MARK4: variants seen among roughly 807,000 people sequenced by gnomAD.
The protein encoded by MARK4 is microtubule affinity regulating kinase 4.
Under a neutral mutation model 81.5 loss-of-function variants are expected in MARK4, and 19 were observed. The observed-to-expected ratio is 0.23, with a 90% CI of 0.16 to 0.34. MARK4 has a LOEUF of 0.34. Ranked by LOEUF, MARK4 falls within the 10% of genes least tolerant of loss-of-function variation. The probability of loss-of-function intolerance (pLI) is 1.00; values close to 1 mark genes in which losing one functional copy is unlikely to be tolerated. For synonymous variants in MARK4, 436 were observed against 439.0 expected, an observed-to-expected ratio of 0.99 and a Z score of 0.08; for missense variants, 772 against 1,058.8, an observed-to-expected ratio of 0.73 and a Z score of 3.76.
At chr19:45,283,409 CAAAA>C (rs869039919) in intron 12 of MARK4, among the ~76,000 whole-genome samples, 56 of 86,406 alleles carry the variant, frequency 6.5e-4, no homozygotes, top group African/African-American at 2.2e-3. Flanking sequence ...GACTTCCTCT[CAAAA>C]AAAAAAAAAA....
intron 2 of MARK4, among the ~76,000 whole-genome samples, chr19:45,259,483 C>T (rs561413992): frequency 9.2e-5 from 14 of 152,256 alleles, no homozygotes; most frequent in African/African-American, 2.2e-4. Context: ...GAGCTGTGGC[C>T]GGATGCATTG....
chr19:45,274,616 G>A (rs1211882993), intron 8 of MARK4, among the ~76,000 whole-genome samples: 2 of 152,150 alleles, frequency 1.3e-5, no homozygotes, highest in Non-Finnish European at 2.9e-5. Flanking sequence ...GGATGACAGA[G>A]CAAGACTCTG....
chr19:45,274,343 C>T (rs182230126), intron 8 of MARK4, among the ~76,000 whole-genome samples: 2 of 151,932 alleles, frequency 1.3e-5, no homozygotes, highest in African/African-American at 4.8e-5. Context: ...TTCAAGACAG[C>T]CTTCTGGCCG....
chr19:45,297,747 G>A lies in MARK4; in HGVS notation c.1670G>A (p.Ser557Asn), dbSNP rs947367859. ...HSLAPPSGER[S>N]RLARGSTIRS... is the part of the protein sequence containing the mutation. ...CTGGCACCCCCATCAGGGGAGCGGA[G>A]CCGCCTGGCACGTGGTTCCACCATC... The change falls in exon 15 of 17, where the codon AGC (serine) becomes AAC (asparagine). Residue 557 changes from serine to asparagine, a missense_variant. By Grantham distance (46) the Ser-to-Asn change is conservative. This residue lies in a region of MARK4 where 548 missense variants were observed against 624.3 expected (regional missense o/e 0.88). Coordinates refer to ENST00000262891, the MANE Select transcript of MARK4 (RefSeq NM_001199867.2). The A allele has an allele frequency of 1.3e-6, 2 of 1,578,126 alleles. No individual in the cohort carries two copies. The highest frequency in any genetic ancestry group is 4.5e-5 in the East Asian group (2 of 44,600).
intron 12 of MARK4, among the ~76,000 whole-genome samples, chr19:45,281,919 A>G (rs1057405531): frequency 3.9e-5 from 6 of 152,110 alleles, no homozygotes; most frequent in African/African-American, 1.4e-4. Context: ...TGCTGCAGAA[A>G]ATGAATACAG....
Position 45,302,035 on chromosome 19 carries a change from C to T in MARK4, c.1923-339C>T, listed in dbSNP as rs1970982343. ...TGTCATCTTCACAGTTGAGGCTGGC[C>T]TGTGCCACTGCTAAGTCCAGCTCCT... On this transcript the variant is annotated intron_variant, in intron 16 of 16. Transcript: ENST00000262891. This position sits in a 1 kb window ranked among gnomAD's most constrained non-coding sequence, Gnocchi z 4.9. 6.6e-6 allele frequency among the ~76,000 whole-genome samples: 1 copy of T among 152,182 alleles called. No individual in the cohort carries two copies. The highest frequency in any genetic ancestry group is 1.5e-5 in the Non-Finnish European group (1 of 68,032).
rs1270852430 is a variant in MARK4, at chr19:45,271,920, T to C, written c.786+212T>C. Reference sequence around the variant, plus strand: ...GGGTTAAGGGCATGATCTTTGCAGCTGATAGGCTTGAGTTCAAATCCTGAC... The same window carrying C: ...GGGTTAAGGGCATGATCTTTGCAGCCGATAGGCTTGAGTTCAAATCCTGAC... On this transcript the variant is annotated intron_variant, in intron 8 of 16. Transcript: ENST00000262891. This position sits in a 1 kb window ranked among gnomAD's most constrained non-coding sequence, Gnocchi z 4.1. Among the ~76,000 whole-genome samples the C allele has an allele frequency of 6.6e-6, 1 of 152,246 alleles. No individual in the cohort carries two copies. The highest frequency in any genetic ancestry group is 1.5e-5 in the Non-Finnish European group (1 of 68,050).
At chr19:45,251,701 C>T in intron 1 of MARK4, 62 bp downstream of exon 1, 1 of 1,410,974 alleles carries the variant, frequency 7.1e-7, no homozygotes, top group Non-Finnish European at 9.5e-7. Context: ...CCCTTCTCCC[C>T]GTTGTACCCC....
intron 12 of MARK4, among the ~76,000 whole-genome samples, chr19:45,284,118 A>G (rs1457769498): frequency 1.3e-5 from 2 of 151,878 alleles, no homozygotes; most frequent in African/African-American, 4.8e-5. Flanking sequence ...CCCAGGTTCA[A>G]CTGATTCTCC....
intron 7 of MARK4, among the ~76,000 whole-genome samples, chr19:45,267,702 C>G (rs111500149): frequency 6.6e-6 from 1 of 152,154 alleles, no homozygotes; most frequent in African/African-American, 2.4e-5. Flanking sequence ...TTTTTGTTGC[C>G]CATACTGAAG....
intron 13 of MARK4, chr19:45,288,440 C>T (rs1970776015): frequency 6.6e-6 from 1 of 151,656 alleles, no homozygotes; most frequent in Middle Eastern, 3.4e-3. Flanking sequence ...ATAATCCCAA[C>T]TACTTGGGAG....
Position 45,278,628 on chromosome 19 carries a change from G to A in MARK4, c.1006+13G>A, listed in dbSNP as rs369520177. ...ACCAAGAGAATTGGTGAGGGTCAGG[G>A]AGAGCCATCCTGTCACCCAGGATGG... On this transcript the variant is annotated intron_variant, in intron 10 of 16. Coordinates refer to ENST00000262891, the MANE Select transcript of MARK4 (RefSeq NM_001199867.2). The A allele has an allele frequency of 1.1e-5, 17 of 1,601,560 alleles. No homozygotes were observed. The highest frequency in any genetic ancestry group is 1.3e-5 in the African/African-American group (1 of 74,658).
At chr19:45,265,871 C>T (rs1179788331) in intron 6 of MARK4, among the ~76,000 whole-genome samples, 1 of 151,944 alleles carries the variant, frequency 6.6e-6, no homozygotes, top group African/African-American at 2.4e-5. Context: ...GTGTTTCTGC[C>T]TTGACGCTGC....
At chr19:45,267,549 C>T (rs908824587) in intron 7 of MARK4, among the ~76,000 whole-genome samples, 13 of 152,276 alleles carry the variant, frequency 8.5e-5, no homozygotes, top group African/African-American at 2.4e-4. Flanking sequence ...GGTGGCTGAC[C>T]GTTTGGTTGG....
In MARK4 at chr19:45,280,450, C is replaced by T. The variant is rs138524818; in HGVS notation, c.1083C>T (p.Thr361=). 2.5e-5 allele frequency: 41 copies of T among 1,614,028 alleles called. No homozygotes were observed. Among genetic ancestry groups the T allele is most frequent in the East Asian group, 4.5e-5 (2 of 44,894 alleles). ...CCAGCCAGAAGTACAACGAAGTGAC[C>T]GCCACCTACCTCCTGCTGGGCAGGA... The part of the protein sequence containing the change: ...SLTSQKYNEV[T]ATYLLLGRKT... The change falls in exon 11 of 17, where the codon ACC becomes ACT. Residue 361 remains threonine, a synonymous_variant. Transcript: ENST00000262891.
intron 1 of MARK4, among the ~76,000 whole-genome samples, chr19:45,258,207 G>C (rs1333657910): frequency 6.7e-6 from 1 of 150,142 alleles, no homozygotes; most frequent in Admixed American, 6.6e-5. Context: ...GGCTGGTCTC[G>C]AACTCCTGAC....
chr19:45,301,000 G>A (rs1970963467), intron 16 of MARK4, among the ~76,000 whole-genome samples: 1 of 152,098 alleles, frequency 6.6e-6, no homozygotes, highest in Non-Finnish European at 1.5e-5. Flanking sequence ...TACTTCAGGC[G>A]GGACGTTTCT....
At chr19:45,297,978 G>A in intron 15 of MARK4, 24 bp downstream of exon 15, 14 of 1,551,382 alleles carry the variant, frequency 9.0e-6, no homozygotes, top group Non-Finnish European at 1.2e-5. Context: ...GGATGGCAGG[G>A]GCAGGGCGGG....
chr19:45,289,877 G>A (rs965359640), intron 13 of MARK4, among the ~76,000 whole-genome samples: 5 of 152,034 alleles, frequency 3.3e-5, no homozygotes, highest in African/African-American at 1.2e-4. Context: ...TGGGTGGATT[G>A]CTTGAGCTCA....
Sources: gnomAD v4.1 joint callset for allele counts (sites outside exome capture counted in the v4.1 genomes callset) on GRCh38, gnomAD v4.1.1 for gene constraint, gnomAD v4.1.1 regional missense constraint, Gnocchi (gnomAD v3.1) non-coding constraint, MANE v1.5 for transcripts, NCBI Gene and HGNC (gene_info 2026-07-23, HGNC 2026-07-21) for gene names.